MAML2: variants seen among roughly 807,000 people sequenced by gnomAD.
MAML2 encodes mastermind-like protein 2.
Under a neutral mutation model 96.1 loss-of-function variants are expected in MAML2, and 22 were observed. The ratio of observed to expected loss-of-function variants is 0.23; its 90% CI spans 0.16 to 0.33. MAML2 has a LOEUF of 0.33. Ranked by LOEUF, MAML2 falls within the 10% of genes least tolerant of loss-of-function variation. MAML2 has a pLI of 1.00. For missense variants in MAML2, 1,367 were observed against 1,392.4 expected, an observed-to-expected ratio of 0.98 and a Z score of 0.29; for synonymous variants, 561 against 521.3, an observed-to-expected ratio of 1.08 and a Z score of -1.04.
intron 2 of MAML2, among the ~76,000 whole-genome samples, chr11:96,049,728 T>G (rs984414669): frequency 6.6e-6 from 1 of 152,188 alleles, no homozygotes; most frequent in African/African-American, 2.4e-5. Context: ...AAGAATTTAA[T>G]AAACAGAAAC....
chr11:96,057,546 T>A (rs1859089118), intron 2 of MAML2, among the ~76,000 whole-genome samples: 1 of 152,172 alleles, frequency 6.6e-6, no homozygotes, highest in African/African-American at 2.4e-5. Context: ...TAGAGCTGAG[T>A]TTGCTCCTGA....
chr11:95,993,762 A>C (rs1857950925), intron 2 of MAML2, among the ~76,000 whole-genome samples: 1 of 152,202 alleles, frequency 6.6e-6, no homozygotes, highest in African/African-American at 2.4e-5. Flanking sequence ...TTGCTTTAGT[A>C]ATCTCTGAGG....
chr11:96,285,754 C>A (rs1863130225), intron 1 of MAML2, among the ~76,000 whole-genome samples: 1 of 152,082 alleles, frequency 6.6e-6, no homozygotes, highest in Non-Finnish European at 1.5e-5. Context: ...TAGAGAAATG[C>A]AAATCAGAAC....
At chr11:96,232,490 GATGGA>G (rs1862307788) in intron 1 of MAML2, among the ~76,000 whole-genome samples, 1 of 151,524 alleles carries the variant, frequency 6.6e-6, no homozygotes, top group African/African-American at 2.4e-5. Flanking sequence ...TTTTCTTTGA[GATGGA>G]ATCTCACTCA....
intron 2 of MAML2, among the ~76,000 whole-genome samples, chr11:96,063,865 TC>T (rs1196539852): frequency 6.6e-6 from 1 of 152,234 alleles, no homozygotes; most frequent in African/African-American, 2.4e-5. Context: ...GTCTAAATAT[TC>T]TTTTTTGCCT....
chr11:96,297,523 C>T (rs980694524), intron 1 of MAML2, among the ~76,000 whole-genome samples: 4 of 152,020 alleles, frequency 2.6e-5, no homozygotes, highest in Middle Eastern at 3.4e-3. Flanking sequence ...TATAGTGAGC[C>T]GAGATCACGC....
At chr11:96,195,073 G>A (rs954166348) in intron 1 of MAML2, among the ~76,000 whole-genome samples, 13 of 152,172 alleles carry the variant, frequency 8.5e-5, no homozygotes, top group African/African-American at 3.1e-4. Flanking sequence ...AGACATCTAA[G>A]TTATATAAAC....
At chr11:96,210,597 C>T (rs934262450) in intron 1 of MAML2, among the ~76,000 whole-genome samples, 1 of 152,176 alleles carries the variant, frequency 6.6e-6, no homozygotes, top group Admixed American at 6.5e-5. Context: ...GTCAATCACT[C>T]TTTCTAAGAA....
chr11:96,009,558 C>T (rs1590959737), intron 2 of MAML2, among the ~76,000 whole-genome samples: 1 of 152,212 alleles, frequency 6.6e-6, no homozygotes, highest in East Asian at 1.9e-4. Flanking sequence ...TGGTGAATAA[C>T]TTCCAGTCAA....
chr11:96,247,212 A>C (rs75115900), intron 1 of MAML2, among the ~76,000 whole-genome samples: 2 of 148,162 alleles, frequency 1.3e-5, no homozygotes, highest in East Asian at 4.0e-4. Flanking sequence ...CAGACCATGC[A>C]AAAAAAAAAT....
intron 2 of MAML2, among the ~76,000 whole-genome samples, chr11:96,027,488 G>T (rs1191586290): frequency 6.6e-6 from 1 of 152,136 alleles, no homozygotes; most frequent in Non-Finnish European, 1.5e-5. Context: ...AAGGAACTCA[G>T]AGTTGAGCAT....
At chr11:96,303,487 T>C (rs1863418631) in intron 1 of MAML2, among the ~76,000 whole-genome samples, 1 of 152,224 alleles carries the variant, frequency 6.6e-6, no homozygotes, top group African/African-American at 2.4e-5. Context: ...CTGAGGTAAG[T>C]ATATACTGAA....
At chr11:96,049,635 T>G (rs1858959438) in intron 2 of MAML2, among the ~76,000 whole-genome samples, 1 of 152,234 alleles carries the variant, frequency 6.6e-6, no homozygotes, top group South Asian at 2.1e-4. Context: ...CTTTGGTTTT[T>G]GCTAAGAAGT....
intron 2 of MAML2, among the ~76,000 whole-genome samples, chr11:96,017,736 A>T (rs1472674446): frequency 6.6e-6 from 1 of 152,018 alleles, no homozygotes; most frequent in African/African-American, 2.4e-5. Flanking sequence ...TCAAGTCCTG[A>T]GTTCTTGAGG....
At chr11:96,327,251 T>C (rs1456438448) in intron 1 of MAML2, among the ~76,000 whole-genome samples, 1 of 152,162 alleles carries the variant, frequency 6.6e-6, no homozygotes, top group Non-Finnish European at 1.5e-5. Flanking sequence ...AAAGGAGGGA[T>C]GACTGGCCCC....
chr11:96,063,829 GTTATTGCATTTGA>G (rs1859205574), intron 2 of MAML2, among the ~76,000 whole-genome samples: 1 of 152,206 alleles, frequency 6.6e-6, no homozygotes, highest in Non-Finnish European at 1.5e-5. Flanking sequence ...GAATCTCTCT[GTTATTGCATTTGA>G]TTTGCAAATT....
chr11:96,295,052 T>C (rs959594638), intron 1 of MAML2, among the ~76,000 whole-genome samples: 3 of 152,210 alleles, frequency 2.0e-5, no homozygotes, highest in Non-Finnish European at 2.9e-5. Context: ...CTCCCAGGTA[T>C]AGAAGCACAT....
intron 1 of MAML2, among the ~76,000 whole-genome samples, chr11:96,249,062 A>T (rs1862549107): frequency 6.6e-6 from 1 of 152,194 alleles, no homozygotes; most frequent in African/African-American, 2.4e-5. Flanking sequence ...GTCACCAATG[A>T]CTTTCACCTG....
intron 2 of MAML2, among the ~76,000 whole-genome samples, chr11:96,005,227 T>C (rs1403058847): frequency 3.9e-5 from 6 of 151,962 alleles, no homozygotes; most frequent in Non-Finnish European, 8.8e-5. Context: ...AACATTAGCA[T>C]TTATTTTAAC....
Sources: gnomAD v4.1 joint callset for allele counts (sites outside exome capture counted in the v4.1 genomes callset) on GRCh38, gnomAD v4.1.1 for gene constraint, MANE v1.5 for transcripts, NCBI Gene and HGNC (gene_info 2026-07-23, HGNC 2026-07-21) for gene names.